The following GRIK4 variants were observed in gnomAD, a reference collection of about 807,000 sequenced individuals.
GRIK4 encodes the protein glutamate ionotropic receptor kainate type subunit 4.
GRIK4 carries 40 observed loss-of-function variants against 104.9 expected under a neutral mutation model. That is an observed-to-expected ratio of 0.38 (90% confidence interval 0.30 to 0.50). The LOEUF is 0.50. Among genes scored for constraint, GRIK4 ranks in the 20% least tolerant of loss-of-function variants. GRIK4 has a pLI of 0.93. For synonymous variants in GRIK4, 485 were observed against 524.9 expected (o/e 0.92, Z 1.04); for missense variants, 1,047 against 1,308.1 (o/e 0.80, Z 3.08).
chr11:120,619,723 G>A (rs1315562264), intron 1 of GRIK4, among the ~76,000 whole-genome samples: 1 of 152,154 alleles, frequency 6.6e-6, no homozygotes, highest in Non-Finnish European at 1.5e-5. Flanking sequence ...CTATGGCCAT[G>A]TGAAGTGCTT....
At chr11:120,954,812 C>T (rs1018032944) in intron 15 of GRIK4, among the ~76,000 whole-genome samples, 1 of 76,778 alleles carries the variant, frequency 1.3e-5, no homozygotes, top group African/African-American at 5.2e-5. Context: ...CACACACACA[C>T]ACACACACAC....
intron 13 of GRIK4, among the ~76,000 whole-genome samples, chr11:120,914,065 GGCTTAGTTTCT>G (rs1446592139): frequency 6.6e-6 from 1 of 152,152 alleles, no homozygotes; most frequent in Non-Finnish European, 1.5e-5. Context: ...TCCCCATTAA[GGCTTAGTTTCT>G]GCATTTATGC....
intron 11 of GRIK4, among the ~76,000 whole-genome samples, chr11:120,889,924 C>A (rs1000724620): frequency 2.0e-5 from 3 of 151,938 alleles, no homozygotes; most frequent in Admixed American, 6.6e-5. Context: ...TTTGAATAGG[C>A]CTTGAAACTT....
intron 8 of GRIK4, among the ~76,000 whole-genome samples, chr11:120,839,706 G>T (rs909470346): frequency 1.3e-5 from 2 of 152,190 alleles, no homozygotes; most frequent in Non-Finnish European, 2.9e-5. Context: ...GACCATTGTA[G>T]GGTTTATTTG....
At chr11:120,732,409 G>A (rs1479991345) in intron 3 of GRIK4, among the ~76,000 whole-genome samples, 1 of 152,198 alleles carries the variant, frequency 6.6e-6, no homozygotes, top group East Asian at 1.9e-4. Context: ...GGGATTACAG[G>A]TGTGAGCCAC....
At chr11:120,579,694 C>T (rs1591710078) in intron 1 of GRIK4, among the ~76,000 whole-genome samples, 1 of 152,184 alleles carries the variant, frequency 6.6e-6, no homozygotes, top group East Asian at 1.9e-4. Context: ...CATAGTATGG[C>T]CTTGGAGGCA....
At chr11:120,818,220 A>G (rs1053679839) in intron 5 of GRIK4, among the ~76,000 whole-genome samples, 8 of 152,222 alleles carry the variant, frequency 5.3e-5, no homozygotes, top group Non-Finnish European at 1.0e-4. Flanking sequence ...GGAATGTGGT[A>G]GGCTAGAGGG....
At chr11:120,864,699 G>A (rs924847402) in intron 9 of GRIK4, among the ~76,000 whole-genome samples, 2 of 152,176 alleles carry the variant, frequency 1.3e-5, no homozygotes, top group Non-Finnish European at 2.9e-5. Flanking sequence ...CTCTCTAAGG[G>A]TATCTTCCTT....
intron 1 of GRIK4, among the ~76,000 whole-genome samples, chr11:120,535,912 G>A (rs555699920): frequency 8.5e-5 from 13 of 152,288 alleles, no homozygotes; most frequent in East Asian, 3.9e-4. Context: ...AGGTATACAC[G>A]TGCATGAATA....
chr11:120,810,101 G>A (rs954567929), intron 4 of GRIK4, among the ~76,000 whole-genome samples: 1 of 152,106 alleles, frequency 6.6e-6, no homozygotes, highest in African/African-American at 2.4e-5. Context: ...GTTGTGTGGT[G>A]CATGTACCAT....
intron 1 of GRIK4, among the ~76,000 whole-genome samples, chr11:120,598,437 G>A (rs952416234): frequency 6.6e-6 from 1 of 152,174 alleles, no homozygotes; most frequent in African/African-American, 2.4e-5. Flanking sequence ...CCTGGCCTGC[G>A]TGGTGGAACC....
rs1953056982 is a variant in GRIK4 at position 120,819,661 on chromosome 11, A to C, written c.346-94A>C. 5 of 1,174,122 alleles carry C rather than the reference A, an allele frequency of 4.3e-6. No individual in the cohort carries two copies. Among genetic ancestry groups the C allele is most frequent in the Non-Finnish European group, 5.0e-6 (4 of 794,558 alleles). The allele number at this position is 1,174,122 out of a possible 1,614,324, so 72.7% of individuals were successfully genotyped here. ...TCTGGCGAAGGTGTTACATAAAAGA[A>C]CTCACCCTCCACAACCTCAGCTCAC... On this transcript the variant is annotated intron_variant, in intron 5 of 20. Coordinates refer to ENST00000527524, the MANE Select transcript of GRIK4 (RefSeq NM_014619.5). The surrounding 1 kb of genome is among the most constrained non-coding windows in gnomAD (Gnocchi z 4.3).
chr11:120,725,131 A>G (rs2135382219), intron 3 of GRIK4, among the ~76,000 whole-genome samples: 1 of 152,328 alleles, frequency 6.6e-6, no homozygotes, highest in South Asian at 2.1e-4. Context: ...AGAATAGAAA[A>G]GGGGCCTTAC....
chr11:120,628,558 T>C (rs1949289176), intron 1 of GRIK4, among the ~76,000 whole-genome samples: 1 of 152,132 alleles, frequency 6.6e-6, no homozygotes. Flanking sequence ...ATGCGCCTTG[T>C]GCAGAGAGGG....
At chr11:120,915,191 C>T (rs1943080818) in intron 13 of GRIK4, among the ~76,000 whole-genome samples, 1 of 152,040 alleles carries the variant, frequency 6.6e-6, no homozygotes, top group African/African-American at 2.4e-5. Context: ...TCCATCTTCT[C>T]CAGCTCATTA....
intron 4 of GRIK4, among the ~76,000 whole-genome samples, chr11:120,814,645 G>A (rs1402108999): frequency 1.3e-5 from 2 of 151,548 alleles, no homozygotes; most frequent in East Asian, 3.9e-4. Context: ...AGGAGAAGGT[G>A]GTGTCAGAAC....
At chr11:120,823,813 C>T (rs112891502) in intron 6 of GRIK4, among the ~76,000 whole-genome samples, 8 of 152,334 alleles carry the variant, frequency 5.3e-5, no homozygotes, top group African/African-American at 1.2e-4. Context: ...CACATCCCAG[C>T]GGACTTGGCA....
chr11:120,712,798 C>T (rs1950761810), intron 3 of GRIK4, among the ~76,000 whole-genome samples: 2 of 152,158 alleles, frequency 1.3e-5, no homozygotes, highest in South Asian at 4.1e-4. Context: ...TCACGATGGC[C>T]CTTTATACAC....
At chr11:120,619,920 A>G (rs1949164559) in intron 1 of GRIK4, 2 of 350,896 alleles carry the variant, frequency 5.7e-6, no homozygotes, top group Non-Finnish European at 1.0e-5. Flanking sequence ...GTGTATTATA[A>G]TTTATTTTAT....
Sources: allele counts gnomAD v4.1 joint callset (sites outside exome capture counted in the v4.1 genomes callset), GRCh38; gene constraint gnomAD v4.1.1; non-coding constraint Gnocchi (gnomAD v3.1); transcripts MANE v1.5; gene names NCBI Gene and HGNC (gene_info 2026-07-23, HGNC 2026-07-21).